Variants in FGF9 observed in about 807,000 individuals in gnomAD.
FGF9 encodes fibroblast growth factor 9 (glia-activating factor).
In FGF9, 3 loss-of-function variants were observed where a neutral mutation model predicts 19.9. The observed-to-expected ratio is 0.15, with a 90% CI of 0.07 to 0.39. The LOEUF (loss-of-function observed/expected upper bound fraction) is 0.39. FGF9 is among the 10% of genes least tolerant of loss of function. The pLI is 1.00. For synonymous variants in FGF9, 107 were observed against 106.9 expected (o/e 1.00, Z -0.01); for missense variants, 175 against 256.8 (o/e 0.68, Z 2.18).
intron 2 of FGF9, among the ~76,000 whole-genome samples, chr13:21,693,964 C>T (rs1872349814): frequency 1.3e-5 from 2 of 152,192 alleles, no homozygotes. Flanking sequence ...TTTCCAACTG[C>T]ACTGAGTCCC....
At chr13:21,688,335 T>C (rs1288842713) in intron 2 of FGF9, among the ~76,000 whole-genome samples, 1 of 152,238 alleles carries the variant, frequency 6.6e-6, no homozygotes, top group Non-Finnish European at 1.5e-5. Context: ...ATAACAGGCA[T>C]GCCCTGGAGA....
chr13:21,701,644 C>T lies in FGF9; in HGVS notation c.*209C>T. The T allele has an allele frequency of 1.7e-6, 1 of 591,920 alleles. No individual in the cohort carries two copies. Among genetic ancestry groups the T allele is most frequent in the Non-Finnish European group, 2.9e-6 (1 of 339,430 alleles). 36.7% of individuals were successfully genotyped at this position (591,920 alleles called of 1,614,324 possible). ...TCTCCTCCTGGAGGGCTGCCTAGGG[C>T]CACTTGCTTGATTTATCATGAGAGA... On this transcript the variant is annotated 3_prime_UTR_variant, in exon 3 of 3. Transcript: ENST00000382353.
rs1368307269 is a variant in FGF9 at position 21,691,702 on chromosome 13, G to A, written c.382-9488G>A. Among the ~76,000 whole-genome samples the A allele has an allele frequency of 6.6e-6, 1 of 152,212 alleles. No individual in the cohort carries two copies. Among genetic ancestry groups the A allele is most frequent in the African/African-American group, 2.4e-5 (1 of 41,460 alleles). The stretch of plus-strand genomic sequence containing the variant: ...ACTGTCCTGGGCCAGCTTTGGCAGT[G>A]GCCTGGTCGCCTCACCCCTCCCGAC... On this transcript the variant is annotated intron_variant, in intron 2 of 2. Coordinates refer to ENST00000382353, the MANE Select transcript of FGF9 (RefSeq NM_002010.3). The surrounding 1 kb of genome is among the most constrained non-coding windows in gnomAD (Gnocchi z 4.2).
At chr13:21,698,344 G>A (rs1872462838) in intron 2 of FGF9, among the ~76,000 whole-genome samples, 1 of 152,138 alleles carries the variant, frequency 6.6e-6, no homozygotes, top group Admixed American at 6.5e-5. Flanking sequence ...GTTTATTCAG[G>A]TTCTAAGATG....
intron 2 of FGF9, among the ~76,000 whole-genome samples, chr13:21,696,240 A>C (rs1006026695): frequency 1.3e-5 from 2 of 152,206 alleles, no homozygotes; most frequent in Non-Finnish European, 2.9e-5. Flanking sequence ...AGGATTTGGT[A>C]AAAGTTTTGA....
In FGF9 at chr13:21,684,206, T is replaced by C. The variant is rs116547414; in HGVS notation, c.381+3061T>C. On this transcript the variant is annotated intron_variant, in intron 2 of 2. Coordinates refer to ENST00000382353, the MANE Select transcript of FGF9 (RefSeq NM_002010.3). ...TCCTATTTATTCTAGTTAGCATTTC[T>C]TATGTTTTCCTTTGGGCCCTAGGAA... 3.5e-4 allele frequency among the ~76,000 whole-genome samples: 53 copies of C among 152,356 alleles called. 1 individual carries two copies. The highest frequency in any genetic ancestry group is 1.2e-3 in the African/African-American group (49 of 41,586).
In FGF9 at chr13:21,691,867, C is replaced by T. The variant is rs1872298545; in HGVS notation, c.382-9323C>T. Among the ~76,000 whole-genome samples the T allele has an allele frequency of 1.3e-5, 2 of 152,202 alleles. No homozygotes were observed. Among genetic ancestry groups the T allele is most frequent in the South Asian group, 4.1e-4 (2 of 4,826 alleles). On this transcript the variant is annotated intron_variant, in intron 2 of 2. Transcript: ENST00000382353. This position sits in a 1 kb window ranked among gnomAD's most constrained non-coding sequence, Gnocchi z 4.2. ...TGACACCCCCGTTGCAGAGGGCTTC[C>T]CCCGAGGACTAAAAGGTTATGGTGC...
At chr13:21,677,774 T>C (rs147440863) in intron 1 of FGF9, among the ~76,000 whole-genome samples, 1 of 152,342 alleles carries the variant, frequency 6.6e-6, no homozygotes, top group East Asian at 1.9e-4. Context: ...TTGACGTCTC[T>C]ATTTTTAAGG....
intron 2 of FGF9, among the ~76,000 whole-genome samples, chr13:21,695,423 T>C (rs1171041361): frequency 1.3e-5 from 2 of 151,870 alleles, no homozygotes; most frequent in Non-Finnish European, 2.9e-5. Context: ...TCTGGAATAC[T>C]GGGGAATTTA....
chr13:21,688,461 A>G (rs879662998), intron 2 of FGF9, among the ~76,000 whole-genome samples: 3 of 152,268 alleles, frequency 2.0e-5, no homozygotes, highest in Admixed American at 2.0e-4. Flanking sequence ...TATGGAGGGC[A>G]GCTTCTGCTG....
chr13:21,688,752 AT>A (rs56274891), intron 2 of FGF9, among the ~76,000 whole-genome samples: 4,506 of 139,840 alleles, frequency 0.032, 99 homozygotes, highest in African/African-American at 0.067. Context: ...ATTTTGGAGG[AT>A]TTTTTTTTTT....
chr13:21,700,222 A>T (rs1872510379), intron 2 of FGF9, among the ~76,000 whole-genome samples: 1 of 151,952 alleles, frequency 6.6e-6, no homozygotes, highest in African/African-American at 2.4e-5. Context: ...GTATCTGTGA[A>T]CCTGAGAATG....
At chr13:21,695,703 G>C (rs186859979) in intron 2 of FGF9, among the ~76,000 whole-genome samples, 1 of 152,186 alleles carries the variant, frequency 6.6e-6, no homozygotes, top group African/African-American at 2.4e-5. Context: ...ACATCTGTAC[G>C]AGTAATTGTG....
intron 2 of FGF9, among the ~76,000 whole-genome samples, chr13:21,690,942 TG>T (rs1464470228): frequency 1.5e-4 from 23 of 152,222 alleles, no homozygotes; most frequent in African/African-American, 5.5e-4. Context: ...GAGAAGCCGC[TG>T]GTTGTGAGTT....
chr13:21,673,351 C>A (rs1251044060), intron 1 of FGF9, among the ~76,000 whole-genome samples: 1 of 152,080 alleles, frequency 6.6e-6, no homozygotes, highest in Admixed American at 6.5e-5. Flanking sequence ...GCGGATGATG[C>A]CAGAAGGTGA....
intron 2 of FGF9, among the ~76,000 whole-genome samples, chr13:21,689,613 T>G (rs1217496061): frequency 6.6e-6 from 1 of 152,202 alleles, no homozygotes; most frequent in East Asian, 1.9e-4. Flanking sequence ...GAGCCCCACA[T>G]GCTAGTAATT....
In FGF9 at chr13:21,672,206, C is replaced by A. The variant is rs772659016; in HGVS notation, c.277+17C>A. ...GCCGATTTGGTAGGTATACCATTAA[C>A]CCTTTAGTGTCCATGAGATGACATG... On this transcript the variant is annotated intron_variant, in intron 1 of 2. Transcript: ENST00000382353. The surrounding 1 kb of genome is among the most constrained non-coding windows in gnomAD (Gnocchi z 4.2). 1 of 1,613,868 alleles carries A rather than the reference C, an allele frequency of 6.2e-7. No homozygotes were observed. Among genetic ancestry groups the A allele is most frequent in the Non-Finnish European group, 8.5e-7 (1 of 1,179,790 alleles).
At chr13:21,695,997 A>G (rs985620569) in intron 2 of FGF9, among the ~76,000 whole-genome samples, 5 of 152,244 alleles carry the variant, frequency 3.3e-5, no homozygotes, top group African/African-American at 9.6e-5. Flanking sequence ...GCGTAAGTCT[A>G]TACGTTTTCA....
chr13:21,679,847 C>T (rs1233857592), intron 1 of FGF9, among the ~76,000 whole-genome samples: 1 of 150,098 alleles, frequency 6.7e-6, no homozygotes, highest in Non-Finnish European at 1.5e-5. Flanking sequence ...GTCCCAGCTA[C>T]TCAGGAGGCT....
Sources: gnomAD v4.1 joint callset for allele counts (sites outside exome capture counted in the v4.1 genomes callset) on GRCh38, gnomAD v4.1.1 for gene constraint, Gnocchi (gnomAD v3.1) non-coding constraint, MANE v1.5 for transcripts, NCBI Gene and HGNC (gene_info 2026-07-23, HGNC 2026-07-21) for gene names.